Variants in RELCH observed in about 807,000 individuals in gnomAD.
RELCH encodes RAB11-binding protein RELCH.
A neutral mutation model predicts 150.3 loss-of-function variants in RELCH; 41 were observed. That is an observed-to-expected ratio of 0.27 (90% CI 0.21 to 0.35). RELCH has a LOEUF of 0.35. RELCH is among the 10% of genes least tolerant of loss of function. The probability of loss-of-function intolerance (pLI) is 1.00; values close to 1 mark genes in which losing one functional copy is unlikely to be tolerated. For missense variants in RELCH, 1,092 were observed against 1,467.8 expected (o/e 0.74, Z 4.18); for synonymous variants, 478 against 531.8 (o/e 0.90, Z 1.39).
At chr18:62,291,486 T>C (rs141640037) in intron 26 of RELCH, 57 bp from the exon 27 acceptor site, 1 of 965,360 alleles carries the variant, frequency 1.0e-6, no homozygotes, top group African/African-American at 1.7e-5. Context: ...AACTCGGTTG[T>C]TCTGTTGGAC....
intron 26 of RELCH, among the ~76,000 whole-genome samples, chr18:62,289,183 G>A (rs1347695615): frequency 2.6e-5 from 4 of 152,050 alleles, no homozygotes; most frequent in South Asian, 2.1e-4. Context: ...GTAAAAAGGC[G>A]ACATACCAAT....
intron 28 of RELCH, among the ~76,000 whole-genome samples, chr18:62,299,105 C>T (rs1357433929): frequency 1.3e-5 from 2 of 152,194 alleles, no homozygotes; most frequent in African/African-American, 2.4e-5. Flanking sequence ...TATTCTCAGT[C>T]AGCCTAGGGA....
chr18:62,281,230 G>T (rs1006949892), intron 24 of RELCH, among the ~76,000 whole-genome samples: 3 of 152,198 alleles, frequency 2.0e-5, no homozygotes, highest in African/African-American at 4.8e-5. Flanking sequence ...CTATTACCCG[G>T]TAGGCTTCTG....
chr18:62,210,729 A>T (rs1263208919), intron 1 of RELCH, among the ~76,000 whole-genome samples: 7 of 152,166 alleles, frequency 4.6e-5, no homozygotes, highest in Non-Finnish European at 7.3e-5. Flanking sequence ...CTTGGAGTGG[A>T]TCACATTTTA....
At chr18:62,251,259 G>A (rs562006771) in intron 11 of RELCH, among the ~76,000 whole-genome samples, 7 of 152,286 alleles carry the variant, frequency 4.6e-5, no homozygotes, top group South Asian at 2.1e-4. Flanking sequence ...TCAAAGGTCC[G>A]TTGGGGCTAT....
chr18:62,236,439 T>G (rs1325760110), intron 10 of RELCH, among the ~76,000 whole-genome samples: 2 of 151,844 alleles, frequency 1.3e-5, no homozygotes, highest in African/African-American at 2.4e-5. Context: ...TTTTGGTATT[T>G]GGTATTGGTT....
In RELCH at chr18:62,261,600, A is replaced by G. The variant is rs148689470; in HGVS notation, c.2292A>G (p.Leu764=). Residue 764 remains leucine, a synonymous_variant, in exon 16 of 29, where the codon CTA becomes CTG. Transcript: ENST00000644646. ...TCCCATCTCTCTTTGCATTAGTGCTACAGAATGCACCTTTCTCCAGCAAAG... is the reference window on the plus strand; with the variant it reads ...TCCCATCTCTCTTTGCATTAGTGCTGCAGAATGCACCTTTCTCCAGCAAAG... ...SLIPSLFALV[L]QNAPFSSKAK... is the part of the protein sequence containing the mutation. The G allele has an allele frequency of 2.8e-5, 45 of 1,611,344 alleles. No individual in the cohort carries two copies. The African/African-American group carries it at 5.1e-4, about 18-fold the overall frequency.
intron 10 of RELCH, 72 bp downstream of exon 10, chr18:62,232,499 A>G: frequency 1.1e-6 from 1 of 887,884 alleles, no homozygotes. Flanking sequence ...TTTGAAGTTG[A>G]GTGTTATATT....
chr18:62,250,695 C>G (rs62094281), intron 11 of RELCH, among the ~76,000 whole-genome samples: 24,767 of 152,158 alleles, frequency 0.16, 2,702 homozygotes, highest in Middle Eastern at 0.29. Flanking sequence ...CCGTTTCCCC[C>G]AGTGTTTCCA....
intron 1 of RELCH, among the ~76,000 whole-genome samples, chr18:62,206,334 A>T (rs2148276692): frequency 6.6e-6 from 1 of 152,358 alleles, no homozygotes; most frequent in African/African-American, 2.4e-5. Flanking sequence ...ATGTTTCTCC[A>T]GATAGAAACA....
chr18:62,244,135 C>T (rs944507595), intron 10 of RELCH, among the ~76,000 whole-genome samples: 4 of 151,924 alleles, frequency 2.6e-5, no homozygotes, highest in Non-Finnish European at 5.9e-5. Context: ...CTCTTACTTT[C>T]CTACAAAATG....
intron 1 of RELCH, among the ~76,000 whole-genome samples, chr18:62,210,744 T>C (rs2040104083): frequency 6.6e-6 from 1 of 152,200 alleles, no homozygotes; most frequent in Non-Finnish European, 1.5e-5. Context: ...ATTTTACTGG[T>C]TTTTGTGTAT....
At chr18:62,280,496 C>T (rs956033548) in intron 23 of RELCH, 150 bp from the exon 24 acceptor site, 4 of 1,514,708 alleles carry the variant, frequency 2.6e-6, no homozygotes, top group South Asian at 1.1e-5. Flanking sequence ...TTTGAGCATT[C>T]TTCTTGGTCT....
At chr18:62,215,918 T>A (rs1269203567) in intron 2 of RELCH, among the ~76,000 whole-genome samples, 1 of 152,204 alleles carries the variant, frequency 6.6e-6, no homozygotes, top group African/African-American at 2.4e-5. Flanking sequence ...AAAACTTTTT[T>A]AGATATTTTC....
intron 1 of RELCH, among the ~76,000 whole-genome samples, chr18:62,188,955 T>A (rs148263705): frequency 5.1e-4 from 78 of 152,336 alleles, no homozygotes; most frequent in East Asian, 2.7e-3. Context: ...AGTATTCATA[T>A]AGAATTTTTA....
At chr18:62,295,345 T>G (rs2045356982) in intron 27 of RELCH, among the ~76,000 whole-genome samples, 1 of 151,234 alleles carries the variant, frequency 6.6e-6, no homozygotes, top group Non-Finnish European at 1.5e-5. Context: ...CTCTTTCTTT[T>G]AAAGTTAGTT....
intron 22 of RELCH, chr18:62,277,752 A>G (rs2980979): frequency 0.31 from 263,729 of 838,182 alleles, 43,372 homozygotes; most frequent in East Asian, 0.59. Context: ...CCATTGTTAA[A>G]TAAGGGAATA....
chr18:62,269,263 G>T, intron 20 of RELCH: 2 of 252,424 alleles, frequency 7.9e-6, no homozygotes, highest in South Asian at 8.6e-5. Flanking sequence ...GAACACATAC[G>T]TTAGGTGAAC....
At chr18:62,252,602 A>G (rs1409649780) in intron 11 of RELCH, 62 bp from the exon 12 acceptor site, 1 of 1,192,424 alleles carries the variant, frequency 8.4e-7, no homozygotes, top group Non-Finnish European at 1.2e-6. Context: ...GACTTTTTTA[A>G]CCCTTAGTCC....
Sources: gnomAD v4.1 joint callset for allele counts (sites outside exome capture counted in the v4.1 genomes callset) on GRCh38, gnomAD v4.1.1 for gene constraint, MANE v1.5 for transcripts, NCBI Gene and HGNC (gene_info 2026-07-23, HGNC 2026-07-21) for gene names.